SRPK2: variants seen among roughly 807,000 people sequenced by gnomAD.
SRPK2 encodes the protein SRSF protein kinase 2, also known as SFRS protein kinase 2.
A neutral mutation model predicts 90.8 loss-of-function variants in SRPK2; 21 were observed. The observed-to-expected ratio is 0.23, with a 90% CI of 0.16 to 0.33. SRPK2 has a LOEUF of 0.33. Among genes scored for constraint, SRPK2 ranks in the 10% least tolerant of loss-of-function variants. The probability of loss-of-function intolerance (pLI) is 1.00; values close to 1 mark genes in which losing one functional copy is unlikely to be tolerated. For synonymous variants in SRPK2, 288 were observed against 311.1 expected (o/e 0.93, Z 0.78); for missense variants, 620 against 869.0 (o/e 0.71, Z 3.60).
intron 1 of SRPK2, among the ~76,000 whole-genome samples, chr7:105,398,958 G>T (rs888676661): frequency 1.1e-4 from 17 of 152,136 alleles, no homozygotes; most frequent in African/African-American, 4.1e-4. Flanking sequence ...AATACTTGGA[G>T]GAGTACCTAA....
chr7:105,348,005 CA>C (rs2132004540), intron 2 of SRPK2, among the ~76,000 whole-genome samples: 1 of 146,148 alleles, frequency 6.8e-6, no homozygotes, highest in East Asian at 2.0e-4. Context: ...AAAATGTTTT[CA>C]AATTAGTCCA....
At chr7:105,176,261 G>A (rs996707234) in intron 3 of SRPK2, among the ~76,000 whole-genome samples, 1 of 152,126 alleles carries the variant, frequency 6.6e-6, no homozygotes, top group African/African-American at 2.4e-5. Flanking sequence ...AAAATCATCT[G>A]ACAATATGAA....
intron 2 of SRPK2, among the ~76,000 whole-genome samples, chr7:105,351,567 C>T (rs1243764697): frequency 1.3e-5 from 2 of 151,862 alleles, no homozygotes; most frequent in Non-Finnish European, 2.9e-5. Flanking sequence ...CTTTGGGTGG[C>T]CGAGGCAGGA....
At chr7:105,316,022 A>AC (rs1812268825) in intron 2 of SRPK2, among the ~76,000 whole-genome samples, 1 of 128,648 alleles carries the variant, frequency 7.8e-6, no homozygotes, top group South Asian at 2.5e-4. Flanking sequence ...TCTTTAGGTA[A>AC]TTTTTTTTTT....
intron 7 of SRPK2, among the ~76,000 whole-genome samples, chr7:105,158,156 A>G (rs1806809440): frequency 6.6e-6 from 1 of 152,072 alleles, no homozygotes; most frequent in South Asian, 2.1e-4. Flanking sequence ...TGAACCTCAG[A>G]TTTTCATCTT....
At chr7:105,114,809 T>A (rs1309869618), downstream of SRPK2, among the ~76,000 whole-genome samples, 1 of 152,222 alleles carries the variant, frequency 6.6e-6, no homozygotes, top group African/African-American at 2.4e-5. Context: ...TTAACGCAGC[T>A]CACTTAGGGC....
At chr7:105,182,231 C>CAAAAA (rs368137906) in intron 3 of SRPK2, among the ~76,000 whole-genome samples, 1 of 65,838 alleles carries the variant, frequency 1.5e-5, no homozygotes, top group African/African-American at 6.1e-5. Flanking sequence ...GACTCTGTCT[C>CAAAAA]AAAAAAAAAA....
At chr7:105,292,219 A>G (rs1809129623) in intron 2 of SRPK2, among the ~76,000 whole-genome samples, 1 of 152,202 alleles carries the variant, frequency 6.6e-6, no homozygotes, top group Non-Finnish European at 1.5e-5. Flanking sequence ...GTTAAAAAGT[A>G]AATTAGGCTG....
intron 2 of SRPK2, among the ~76,000 whole-genome samples, chr7:105,365,146 AT>A (rs1318476757): frequency 6.6e-6 from 1 of 151,926 alleles, no homozygotes; most frequent in African/African-American, 2.4e-5. Context: ...CTCTATGGCA[AT>A]TTTTTTCCAG....
intron 2 of SRPK2, among the ~76,000 whole-genome samples, chr7:105,357,444 T>C (rs948805404): frequency 6.6e-6 from 1 of 152,320 alleles, no homozygotes; most frequent in Middle Eastern, 3.4e-3. Flanking sequence ...CAAACCTAAA[T>C]AGAGATGACC....
At chr7:105,324,680 A>G (rs983651686) in intron 2 of SRPK2, among the ~76,000 whole-genome samples, 4 of 152,120 alleles carry the variant, frequency 2.6e-5, no homozygotes, top group Admixed American at 2.6e-4. Flanking sequence ...TGAGGTCAGG[A>G]GTTTCAGACC....
intron 3 of SRPK2, 117 bp from the exon 4 acceptor site, chr7:105,169,382 A>G: frequency 1.4e-6 from 1 of 706,532 alleles, no homozygotes. Flanking sequence ...ATACATGCAG[A>G]CTAAAACATG....
chr7:105,394,430 G>A (rs769557903), intron 1 of SRPK2, among the ~76,000 whole-genome samples: 2 of 151,622 alleles, frequency 1.3e-5, no homozygotes, highest in Non-Finnish European at 2.9e-5. Flanking sequence ...CGTGAGCCAC[G>A]CGCCCAGCCA....
intron 2 of SRPK2, among the ~76,000 whole-genome samples, chr7:105,370,631 T>C (rs1819591209): frequency 6.6e-6 from 1 of 150,496 alleles, no homozygotes; most frequent in Non-Finnish European, 1.5e-5. Context: ...TTTTTTTTTT[T>C]TTGAGACAGA....
At chr7:105,289,974 G>C (rs574227147) in intron 2 of SRPK2, among the ~76,000 whole-genome samples, 1 of 151,948 alleles carries the variant, frequency 6.6e-6, no homozygotes, top group African/African-American at 2.4e-5. Context: ...GGCCAAAGAG[G>C]AGGGAGAGAG....
chr7:105,167,058 G>A (rs532416551), intron 6 of SRPK2, among the ~76,000 whole-genome samples: 1 of 152,142 alleles, frequency 6.6e-6, no homozygotes, highest in Non-Finnish European at 1.5e-5. Context: ...AAAACACAAA[G>A]AAGTGGTGCT....
chr7:105,307,249 C>T (rs1466388559), intron 2 of SRPK2, among the ~76,000 whole-genome samples: 5 of 152,150 alleles, frequency 3.3e-5, no homozygotes. Flanking sequence ...GCCATTCCAT[C>T]TGCTGTGGTG....
intron 2 of SRPK2, among the ~76,000 whole-genome samples, chr7:105,310,013 A>G (rs1811534593): frequency 6.6e-6 from 1 of 152,212 alleles, no homozygotes; most frequent in African/African-American, 2.4e-5. Flanking sequence ...CATGGGGGAG[A>G]AGGAGTCAGG....
intron 2 of SRPK2, among the ~76,000 whole-genome samples, chr7:105,225,720 GTAAA>G: frequency 6.6e-6 from 1 of 152,038 alleles, no homozygotes; most frequent in East Asian, 1.9e-4. Flanking sequence ...AGAGAAAATA[GTAAA>G]TAAATTCAGT....
Sources: allele counts gnomAD v4.1 joint callset (sites outside exome capture counted in the v4.1 genomes callset), GRCh38; gene constraint gnomAD v4.1.1; transcripts MANE v1.5; gene names NCBI Gene and HGNC (gene_info 2026-07-23, HGNC 2026-07-21).